TOGARAM1: variants seen among roughly 807,000 people sequenced by gnomAD.
The protein encoded by TOGARAM1 is TOG array regulator of axonemal microtubules 1, also known as TOG array regulator of axonemal microtubules protein 1.
TOGARAM1 carries 100 observed loss-of-function variants against 166.6 expected under a neutral mutation model. That is an observed-to-expected ratio of 0.60 (90% CI 0.51 to 0.71). TOGARAM1 has a LOEUF of 0.71. Among genes scored for constraint, TOGARAM1 ranks in the 30% least tolerant of loss-of-function variants. The pLI, the probability that TOGARAM1 is intolerant of heterozygous loss-of-function variation, is 0.00. For missense variants in TOGARAM1, 2,029 were observed against 2,102.7 expected (o/e 0.96, Z 0.69); for synonymous variants, 758 against 763.8 (o/e 0.99, Z 0.13).
At chr14:45,043,829 A>G (rs1279754509) in intron 12 of TOGARAM1, 38 bp downstream of exon 12, 2 of 1,141,820 alleles carry the variant, frequency 1.8e-6, no homozygotes. Context: ...GATTGTTAGA[A>G]TAACAAAGGA....
At chr14:45,070,232 A>G (rs1408495944) in intron 18 of TOGARAM1, among the ~76,000 whole-genome samples, 2 of 152,182 alleles carry the variant, frequency 1.3e-5, no homozygotes, top group Non-Finnish European at 2.9e-5. Flanking sequence ...AATTTATCCC[A>G]GGGATGCAAG....
At chr14:45,054,965 A>G (rs948072649) in intron 16 of TOGARAM1, among the ~76,000 whole-genome samples, 1 of 152,202 alleles carries the variant, frequency 6.6e-6, no homozygotes, top group Non-Finnish European at 1.5e-5. Context: ...CTGTAATCCA[A>G]GCACTTTGGG....
chr14:44,997,926 A>T (rs1887509473), intron 2 of TOGARAM1, among the ~76,000 whole-genome samples: 1 of 152,244 alleles, frequency 6.6e-6, no homozygotes, highest in African/African-American at 2.4e-5. Context: ...TGACAAAGTG[A>T]TACCTATTAG....
In TOGARAM1 at chr14:44,963,553, G is replaced by T; in HGVS notation, c.1132G>T (p.Val378Leu). Residue 378 changes from valine to leucine, a missense_variant, in exon 1 of 20, where the codon GTG becomes TTG. Val to Leu is a conservative substitution (Grantham distance 32). Transcript: ENST00000361462. The part of the protein sequence containing the change: ...RTQAVEELKQ[V>L]LGKFNPSSTP... ...CCAGGCCGTCGAAGAACTAAAGCAG[G>T]TGCTGGGAAAATTTAACCCTAGTTC... The T allele has an allele frequency of 6.2e-7, 1 of 1,613,904 alleles. No individual in the cohort carries two copies. Among genetic ancestry groups the T allele is most frequent in the Non-Finnish European group, 8.5e-7 (1 of 1,179,870 alleles).
chr14:45,018,999 C>T (rs1319745878), intron 7 of TOGARAM1, among the ~76,000 whole-genome samples: 3 of 152,180 alleles, frequency 2.0e-5, no homozygotes, highest in Non-Finnish European at 4.4e-5. Flanking sequence ...ACATCACATT[C>T]GCACATCCAA....
chr14:44,976,267 A>G (rs1014901527), intron 1 of TOGARAM1, among the ~76,000 whole-genome samples: 5 of 152,106 alleles, frequency 3.3e-5, no homozygotes, highest in Non-Finnish European at 7.4e-5. Flanking sequence ...CATTTAACCT[A>G]TTGATTTTCT....
At chr14:44,992,930 C>A (rs1050247125) in intron 1 of TOGARAM1, among the ~76,000 whole-genome samples, 13 of 151,080 alleles carry the variant, frequency 8.6e-5, no homozygotes, top group Non-Finnish European at 1.6e-4. Flanking sequence ...TTTTTGCAAT[C>A]TTTTTATGAA....
At chr14:44,967,643 A>G (rs1052756191) in intron 1 of TOGARAM1, among the ~76,000 whole-genome samples, 15 of 152,212 alleles carry the variant, frequency 9.9e-5, no homozygotes, top group Non-Finnish European at 1.3e-4. Flanking sequence ...TAGCAAATTA[A>G]TAAGAGAATG....
chr14:45,021,382 T>A (rs1450139400), intron 7 of TOGARAM1, among the ~76,000 whole-genome samples: 1 of 152,062 alleles, frequency 6.6e-6, no homozygotes, highest in Non-Finnish European at 1.5e-5. Context: ...AGCCGCATTC[T>A]CCATAGAAAC....
In TOGARAM1 at chr14:44,962,292, G is replaced by T; in HGVS notation, c.-130G>T. The T allele has an allele frequency of 8.3e-7, 1 of 1,200,362 alleles. No individual in the cohort carries two copies. The highest frequency in any genetic ancestry group is 1.1e-6 in the Non-Finnish European group (1 of 903,124). The allele number at this position is 1,200,362 out of a possible 1,614,324, so 74.4% of individuals were successfully genotyped here. A position where few individuals can be genotyped will look rare whatever the true frequency, so the allele number is the denominator to read the frequency against. The stretch of plus-strand genomic sequence containing the variant: ...CTCCCGGAGTTGGGGGCGGCCTGGC[G>T]GCAGGCTGAAGCTGTTCTTTTGCCT... On this transcript the variant is annotated 5_prime_UTR_variant, in exon 1 of 20. Transcript: ENST00000361462.
chr14:45,063,479 G>GTTTTTTTTTTTTTTTTTTTTT lies in TOGARAM1; in HGVS notation c.4560-3097_4560-3077dup, dbSNP rs373702236. Reference sequence around the variant, plus strand: ...ATAAACTAGTATCTCATTTGACAAAGTTTTTTTTTTTTTTTTTTTTTTGGA... The same window carrying GTTTTTTTTTTTTTTTTTTTTT: ...ATAAACTAGTATCTCATTTGACAAAGTTTTTTTTTTTTTTTTTTTTTTTTTTTTTTTTTTTTTTTTTTTGGA... On this transcript the variant is annotated intron_variant, in intron 16 of 19. Transcript: ENST00000361462. Among the ~76,000 whole-genome samples the GTTTTTTTTTTTTTTTTTTTTT allele has an allele frequency of 1.4e-4, 17 of 118,686 alleles. 1 individual carries two copies. The highest frequency in any genetic ancestry group is 4.7e-3 in the Middle Eastern group (1 of 214). 77.9% of individuals were successfully genotyped at this position (118,686 alleles called of 152,430 possible).
intron 1 of TOGARAM1, among the ~76,000 whole-genome samples, chr14:44,986,761 C>T (rs1250173265): frequency 6.6e-6 from 1 of 151,562 alleles, no homozygotes; most frequent in Non-Finnish European, 1.5e-5. Flanking sequence ...AATCCCAGCA[C>T]TTTGGGAGGC....
chr14:45,057,625 C>T (rs1352135690), intron 16 of TOGARAM1, among the ~76,000 whole-genome samples: 1 of 151,996 alleles, frequency 6.6e-6, no homozygotes, highest in Non-Finnish European at 1.5e-5. Flanking sequence ...TTTGCTGTAT[C>T]CCACAGGTTT....
At chr14:45,013,397 C>T (rs1879927927) in intron 7 of TOGARAM1, among the ~76,000 whole-genome samples, 1 of 152,184 alleles carries the variant, frequency 6.6e-6, no homozygotes, top group Non-Finnish European at 1.5e-5. Flanking sequence ...CAAGGCTTAT[C>T]ATAATCGGGA....
chr14:44,978,019 G>A (rs906043051), intron 1 of TOGARAM1, among the ~76,000 whole-genome samples: 1 of 152,122 alleles, frequency 6.6e-6, no homozygotes, highest in Non-Finnish European at 1.5e-5. Flanking sequence ...AATGGTTTCC[G>A]TTTTTATAAT....
chr14:45,064,195 T>C (rs1266276262), intron 16 of TOGARAM1, among the ~76,000 whole-genome samples: 1 of 152,220 alleles, frequency 6.6e-6, no homozygotes, highest in Non-Finnish European at 1.5e-5. Context: ...GAATAAAGTC[T>C]TTCTTACCAT....
At chr14:45,015,358 A>G (rs1048164338) in intron 7 of TOGARAM1, among the ~76,000 whole-genome samples, 4 of 150,590 alleles carry the variant, frequency 2.7e-5, no homozygotes. Flanking sequence ...AAATATATTT[A>G]TACATATATA....
At chr14:45,054,182 A>G (rs888573505) in intron 15 of TOGARAM1, among the ~76,000 whole-genome samples, 1 of 152,092 alleles carries the variant, frequency 6.6e-6, no homozygotes, top group African/African-American at 2.4e-5. Context: ...AAAATACAGC[A>G]TATTAATTTT....
chr14:45,047,411 A>T (rs1882125494), intron 14 of TOGARAM1, among the ~76,000 whole-genome samples: 1 of 151,038 alleles, frequency 6.6e-6, no homozygotes, highest in Non-Finnish European at 1.5e-5. Context: ...AAAAAGAAAG[A>T]AAAATACAGG....
Sources: gnomAD v4.1 joint callset for allele counts (sites outside exome capture counted in the v4.1 genomes callset) on GRCh38, gnomAD v4.1.1 for gene constraint, MANE v1.5 for transcripts, NCBI Gene and HGNC (gene_info 2026-07-23, HGNC 2026-07-21) for gene names.